The following PARP4 variants were observed in gnomAD, a reference collection of about 807,000 sequenced individuals.
The protein encoded by PARP4 is protein mono-ADP-ribosyltransferase PARP4.
Under a neutral mutation model 187.7 loss-of-function variants are expected in PARP4, and 120 were observed. The observed-to-expected ratio is 0.64, with a 90% CI of 0.55 to 0.74. The LOEUF (loss-of-function observed/expected upper bound fraction) is 0.74. Among genes scored for constraint, PARP4 ranks in the 30% least tolerant of loss-of-function variants. The pLI, the probability that PARP4 is intolerant of heterozygous loss-of-function variation, is 0.00. For synonymous variants in PARP4, 654 were observed against 740.9 expected (o/e 0.88, Z 1.90); for missense variants, 1,836 against 2,070.5 (o/e 0.89, Z 2.20).
chr13:24,495,780 A>T (rs746775225), intron 6 of PARP4, among the ~76,000 whole-genome samples: 8 of 152,188 alleles, frequency 5.3e-5, no homozygotes, highest in Non-Finnish European at 8.8e-5. Flanking sequence ...AACTTGGAAA[A>T]TAGGAGTGCC....
At position 24,455,189 on chromosome 13, in the gene PARP4, G is replaced by C; in HGVS notation, c.2586C>G (p.Pro862=). 2 of 1,593,646 alleles carry C rather than the reference G, an allele frequency of 1.3e-6. No homozygotes were observed. Among genetic ancestry groups the C allele is most frequent in the Non-Finnish European group, 1.7e-6 (2 of 1,164,018 alleles). The change falls in exon 22 of 34, where the codon CCC becomes CCG. Residue 862 remains proline, a synonymous_variant. Transcript: ENST00000381989. The part of the protein sequence containing the change: ...ESEACMLVFQ[P]DLDVDLPDLA... ...GGTCAGGGAGGTCGACATCGAGATC[G>C]GGTTGAAAGACAAGCATGCAAGCCT...
In PARP4 at chr13:24,456,433, A is replaced by G; in HGVS notation, c.2470T>C (p.Leu824=). The G allele has an allele frequency of 1.2e-6, 2 of 1,610,196 alleles. No individual in the cohort carries two copies. Among genetic ancestry groups the G allele is most frequent in the Non-Finnish European group, 1.7e-6 (2 of 1,176,998 alleles). The change falls in exon 21 of 34, where the codon TTA becomes CTA. Residue 824 remains leucine (L), a synonymous_variant. Coordinates refer to ENST00000381989, the MANE Select transcript of PARP4 (RefSeq NM_006437.4). ...AVISTMEGSS[L]DSSGFSLHIG... ...TGGAGAGAAAATCCACTGCTGTCTA[A>G]GGAGCTGCCTTCCATGGTGCTAATG...
Position 24,503,751 on chromosome 13 carries a change from C to G in PARP4, c.26G>C (p.Cys9Ser). The change falls in exon 2 of 34, where the codon TGT becomes TCT. Residue 9 changes from cysteine to serine, a missense_variant. Transcript: ENST00000381989. MVMGIFAN[C>S]IFCLKVKYLP... The stretch of plus-strand genomic sequence containing the variant: ...GTACTTCACTTTCAAACAGAAGATA[C>G]AATTTGCAAAGATTCCCATCACCAT... The G allele has an allele frequency of 6.2e-7, 1 of 1,614,038 alleles. No individual in the cohort carries two copies. The highest frequency in any genetic ancestry group is 8.5e-7 in the Non-Finnish European group (1 of 1,179,936).
intron 1 of PARP4, among the ~76,000 whole-genome samples, chr13:24,509,324 T>C (rs897400313): frequency 1.3e-5 from 2 of 152,042 alleles, no homozygotes; most frequent in African/African-American, 4.8e-5. Flanking sequence ...CTGGCCAACA[T>C]GGCGAAACTT....
chr13:24,420,979 C>T lies in PARP4; in HGVS notation c.*140G>A, dbSNP rs1370933231. 293 of 1,053,914 alleles carry T rather than the reference C, an allele frequency of 2.8e-4. No homozygotes were observed. The highest frequency in any genetic ancestry group is 3.4e-4 in the Non-Finnish European group (271 of 800,238). 65.3% of individuals were successfully genotyped at this position (1,053,914 alleles called of 1,614,324 possible). A position where few individuals can be genotyped will look rare whatever the true frequency, so the allele number is the denominator to read the frequency against. Reference sequence around the variant, plus strand: ...TGCTTGTTAGTTGATTAAAGTAATTCTTCTTCCACTTAATTTTTAAAGACA... The same window carrying T: ...TGCTTGTTAGTTGATTAAAGTAATTTTTCTTCCACTTAATTTTTAAAGACA... On this transcript the variant is annotated 3_prime_UTR_variant, in exon 34 of 34. Coordinates refer to ENST00000381989, the MANE Select transcript of PARP4 (RefSeq NM_006437.4).
At position 24,500,591 on chromosome 13, in the gene PARP4, T is replaced by C. The variant is rs193217077; in HGVS notation, c.335-209A>G. ...CTCTAATTCTATTTTAATAAGCATA[T>C]CAGGAGGATTCTCATCTGTTATTAT... On this transcript the variant is annotated intron_variant, in intron 3 of 33. Transcript: ENST00000381989. Among the ~76,000 whole-genome samples, 327 of 152,300 alleles carry C rather than the reference T, an allele frequency of 2.1e-3. 1 individual carries two copies. Among genetic ancestry groups the C allele is most frequent in the African/African-American group, 6.9e-3 (286 of 41,566 alleles).
chr13:24,459,386 T>C lies in PARP4; in HGVS notation c.2299-76A>G, dbSNP rs1050748075. On this transcript the variant is annotated intron_variant, in intron 18 of 33. Transcript: ENST00000381989. ...AATGAGACTAAAGTGAATGTAATCT[T>C]GGCAAGGCCACAACTGTCAGCAAGA... 4.5e-6 allele frequency: 6 copies of C among 1,335,882 alleles called. No homozygotes were observed. In the African/African-American group the frequency reaches 8.9e-5, roughly 20 times the overall value. The allele number at this position is 1,335,882 out of a possible 1,614,324, so 82.8% of individuals were successfully genotyped here. A position where few individuals can be genotyped will look rare whatever the true frequency, so the allele number is the denominator to read the frequency against.
At chr13:24,498,297 A>G in intron 5 of PARP4, 68 bp from the exon 6 acceptor site, 3 of 860,164 alleles carry the variant, frequency 3.5e-6, no homozygotes, top group Non-Finnish European at 5.8e-6. Context: ...CCATTTGAAA[A>G]TGTTGATTAT....
intron 30 of PARP4, among the ~76,000 whole-genome samples, chr13:24,438,969 G>T (rs1471018178): frequency 2.0e-5 from 3 of 150,772 alleles, no homozygotes; most frequent in Non-Finnish European, 4.4e-5. Flanking sequence ...TAAATTACAT[G>T]GTCCGTTCAA....
At chr13:24,468,737 A>G (rs1872598066) in intron 17 of PARP4, among the ~76,000 whole-genome samples, 1 of 152,164 alleles carries the variant, frequency 6.6e-6, no homozygotes, top group South Asian at 2.1e-4. Context: ...GATGAAAGTT[A>G]TATACCTCAA....
intron 7 of PARP4, 130 bp from the exon 8 acceptor site, chr13:24,493,863 A>G (rs572160487): frequency 2.5e-6 from 2 of 815,462 alleles, no homozygotes; most frequent in South Asian, 3.1e-5. Flanking sequence ...ATCCCCAGCC[A>G]GGTAACTAAA....
chr13:24,486,406 T>A (rs1374724475), intron 10 of PARP4, 101 bp from the exon 11 acceptor site: 2 of 757,746 alleles, frequency 2.6e-6, no homozygotes, highest in Non-Finnish European at 2.2e-6. Context: ...ATGTCCATTA[T>A]CAGGAAACTG....
chr13:24,459,226 T>G (rs554974743), intron 19 of PARP4, 38 bp downstream of exon 19: 5 of 1,587,128 alleles, frequency 3.2e-6, no homozygotes, highest in Admixed American at 1.8e-5. Flanking sequence ...AAAACCAATA[T>G]CCATTGAATT....
At chr13:24,421,749 C>T (rs1353485817) in intron 33 of PARP4, among the ~76,000 whole-genome samples, 1 of 152,286 alleles carries the variant, frequency 6.6e-6, no homozygotes, top group Non-Finnish European at 1.5e-5. Context: ...ATCTGAGAGT[C>T]CCCCATGAAA....
chr13:24,424,130 C>T (rs1268482593), intron 33 of PARP4, among the ~76,000 whole-genome samples: 3 of 152,138 alleles, frequency 2.0e-5, no homozygotes, highest in Admixed American at 1.3e-4. Flanking sequence ...TAGCCCAGAA[C>T]TTCCTGAACA....
At chr13:24,432,662 C>T (rs1450243224) in intron 31 of PARP4, among the ~76,000 whole-genome samples, 2 of 152,178 alleles carry the variant, frequency 1.3e-5, no homozygotes, top group African/African-American at 4.8e-5. Flanking sequence ...AGCATGATTC[C>T]TTTGGTTTAA....
At chr13:24,465,886 C>T (rs772103568) in intron 17 of PARP4, among the ~76,000 whole-genome samples, 1 of 151,948 alleles carries the variant, frequency 6.6e-6, no homozygotes, top group South Asian at 2.1e-4. Flanking sequence ...AAGAAACGAA[C>T]GTATACTGGT....
rs1869893968 is a variant in PARP4 at position 24,424,037 on chromosome 13, TG to T, written c.4979+2428del. On this transcript the variant is annotated intron_variant, in intron 33 of 33. Transcript: ENST00000381989. ...GTTACCTAGGCTGGTCTTAAACTTCTGGGCTTGATCTTGGTGGGCTCAAGTG... is the reference window on the plus strand; with the variant it reads ...GTTACCTAGGCTGGTCTTAAACTTCTGGCTTGATCTTGGTGGGCTCAAGTG... Among the ~76,000 whole-genome samples the T allele has an allele frequency of 3.9e-5, 6 of 152,226 alleles. No homozygotes were observed. In the South Asian group the frequency reaches 1.2e-3, roughly 32 times the overall value.
At chr13:24,457,830 G>T (rs1043637996) in intron 20 of PARP4, among the ~76,000 whole-genome samples, 4 of 149,156 alleles carry the variant, frequency 2.7e-5, no homozygotes, top group African/African-American at 9.9e-5. Flanking sequence ...CTGCAGAAAG[G>T]CACAAGAGAG....
Sources: gnomAD v4.1 joint callset for allele counts (sites outside exome capture counted in the v4.1 genomes callset) on GRCh38, gnomAD v4.1.1 for gene constraint, MANE v1.5 for transcripts, NCBI Gene and HGNC (gene_info 2026-07-23, HGNC 2026-07-21) for gene names.